The following TDRD9 variants were observed in gnomAD, a reference collection of about 807,000 sequenced individuals.
TDRD9 encodes the protein ATP-dependent RNA helicase TDRD9.
In TDRD9, 124 loss-of-function variants were observed where a neutral mutation model predicts 172.6. The observed-to-expected ratio is 0.72, with a 90% CI of 0.62 to 0.83. The LOEUF (loss-of-function observed/expected upper bound fraction) is 0.83, where lower values mean the gene tolerates loss of function less well. Among genes scored for constraint, TDRD9 ranks in the 40% least tolerant of loss-of-function variants. The pLI is 0.00. For missense variants in TDRD9, 1,479 were observed against 1,714.1 expected, an observed-to-expected ratio of 0.86 and a Z score of 2.42; for synonymous variants, 619 against 617.1, an observed-to-expected ratio of 1.00 and a Z score of -0.05.
intron 5 of TDRD9, among the ~76,000 whole-genome samples, chr14:103,967,557 AT>A (rs2032806552): frequency 6.6e-6 from 1 of 152,036 alleles, no homozygotes; most frequent in Non-Finnish European, 1.5e-5. Flanking sequence ...GGATAAACCC[AT>A]TTGGGCAACT....
At chr14:104,005,161 T>C in intron 14 of TDRD9, 113 bp from the exon 15 acceptor site, 1 of 1,080,470 alleles carries the variant, frequency 9.3e-7, no homozygotes, top group Non-Finnish European at 1.3e-6. Flanking sequence ...CATTTTTCTT[T>C]CTTCTCTCCT....
chr14:103,983,697 C>T (rs1276550797), intron 7 of TDRD9, among the ~76,000 whole-genome samples: 5 of 152,126 alleles, frequency 3.3e-5, no homozygotes, highest in Non-Finnish European at 7.4e-5. Context: ...CAGTCACACC[C>T]ATAGTAAATT....
intron 7 of TDRD9, among the ~76,000 whole-genome samples, chr14:103,981,958 TTG>T (rs2033487700): frequency 1.3e-5 from 2 of 152,250 alleles, no homozygotes; most frequent in South Asian, 4.1e-4. Context: ...AAAATTTCAG[TTG>T]TGTTACTGTC....
At position 104,038,003 on chromosome 14, in the gene TDRD9, G is replaced by A. The variant is rs11848275; in HGVS notation, c.3717-2193G>A. 6.9e-3 allele frequency among the ~76,000 whole-genome samples: 1,044 copies of A among 152,322 alleles called. 14 individuals carry two copies. Among genetic ancestry groups the A allele is most frequent in the African/African-American group, 0.024 (987 of 41,556 alleles). On this transcript the variant is annotated intron_variant, in intron 32 of 35. Coordinates refer to ENST00000409874, the MANE Select transcript of TDRD9 (RefSeq NM_153046.3). ...TGGTAGCAGAGCCTGGCACCTCCAGGATGGGAGCAGACATCTGAGAACACG... is the reference window on the plus strand; with the variant it reads ...TGGTAGCAGAGCCTGGCACCTCCAGAATGGGAGCAGACATCTGAGAACACG...
chr14:103,970,303 G>A (rs1050467633), intron 5 of TDRD9, among the ~76,000 whole-genome samples: 2 of 152,154 alleles, frequency 1.3e-5, no homozygotes, highest in African/African-American at 2.4e-5. Context: ...TTACTCTGCC[G>A]TCTCTCAGGG....
chr14:104,045,354 G>A (rs1296455232), intron 34 of TDRD9, among the ~76,000 whole-genome samples: 1 of 148,036 alleles, frequency 6.8e-6, no homozygotes, highest in East Asian at 2.0e-4. Context: ...ATGATGTAGA[G>A]CAACTTTTTA....
intron 7 of TDRD9, among the ~76,000 whole-genome samples, chr14:103,979,875 CT>C (rs5811124): frequency 8.7e-4 from 125 of 144,194 alleles, no homozygotes; most frequent in South Asian, 2.7e-3. Flanking sequence ...TTTTCTGACT[CT>C]TTTTTTTTTT....
intron 31 of TDRD9, 95 bp downstream of exon 31, chr14:104,034,164 G>A (rs1348232184): frequency 8.5e-6 from 5 of 584,858 alleles, no homozygotes; most frequent in African/African-American, 7.7e-5. Context: ...TGGTGAACAA[G>A]TCTACACTAT....
At chr14:103,967,136 G>A (rs1025786281) in intron 5 of TDRD9, among the ~76,000 whole-genome samples, 1 of 151,904 alleles carries the variant, frequency 6.6e-6, no homozygotes, top group Non-Finnish European at 1.5e-5. Context: ...TATTTCTAGA[G>A]GAATTAGACA....
Position 104,006,809 on chromosome 14 carries a change from C to G in TDRD9, c.1971C>G (p.Ser657Arg), listed in dbSNP as rs147878834. 3 of 1,613,376 alleles carry G rather than the reference C, an allele frequency of 1.9e-6. No individual in the cohort carries two copies. The highest frequency in any genetic ancestry group is 2.5e-6 in the Non-Finnish European group (3 of 1,179,662). ...YRNKVNFSGS[S>R]KSDCIALVEA... Reference sequence around the variant, plus strand: ...ACAAAGTGAATTTCTCTGGCAGTAGCAAGAGTGACTGTATTGCACTTGTTG... The same window carrying G: ...ACAAAGTGAATTTCTCTGGCAGTAGGAAGAGTGACTGTATTGCACTTGTTG... Residue 657 changes from serine to arginine, a missense_variant, in exon 18 of 36, where the codon AGC becomes AGG. Around this residue, in one of 3 missense-constraint regions of TDRD9, gnomAD observed 1,413 missense variants for 1,649.1 expected, o/e 0.86. Transcript: ENST00000409874.
intron 14 of TDRD9, chr14:104,005,061 C>A (rs758140531): frequency 8.2e-5 from 32 of 388,266 alleles, no homozygotes; most frequent in Non-Finnish European, 1.5e-4. Flanking sequence ...TCTTCCTTCT[C>A]TCTCCCCATC....
chr14:103,971,053 G>A (rs111954515), intron 6 of TDRD9, among the ~76,000 whole-genome samples: 3,519 of 150,400 alleles, frequency 0.023, 79 homozygotes, highest in East Asian at 0.072. Context: ...GCGTGATCTC[G>A]GCTCACTGCA....
chr14:104,043,073 T>G (rs1271010949), intron 34 of TDRD9, among the ~76,000 whole-genome samples: 2 of 152,056 alleles, frequency 1.3e-5, no homozygotes, highest in African/African-American at 4.8e-5. Flanking sequence ...TTGCTCAAGC[T>G]GAGTGCAGTG....
intron 20 of TDRD9, among the ~76,000 whole-genome samples, chr14:104,012,090 T>C (rs1566782256): frequency 6.6e-6 from 1 of 152,226 alleles, no homozygotes; most frequent in Admixed American, 6.5e-5. Context: ...TGGGTTTTTA[T>C]TGAGCACTGG....
intron 5 of TDRD9, among the ~76,000 whole-genome samples, chr14:103,970,107 C>A (rs1212873473): frequency 6.6e-6 from 1 of 152,190 alleles, no homozygotes; most frequent in Non-Finnish European, 1.5e-5. Flanking sequence ...GGCACATCTT[C>A]TTCCCTGTGC....
At chr14:104,026,258 G>T in intron 27 of TDRD9, 122 bp downstream of exon 27, 1 of 670,490 alleles carries the variant, frequency 1.5e-6, no homozygotes. Flanking sequence ...CCCAGGACAG[G>T]GAGGGACTTG....
chr14:104,022,100 G>T (rs1315081887), intron 23 of TDRD9, 57 bp from the exon 24 acceptor site: 17 of 1,368,032 alleles, frequency 1.2e-5, no homozygotes, highest in Admixed American at 2.3e-5. Context: ...AAATGAATAT[G>T]CAGTTTTTAA....
intron 32 of TDRD9, among the ~76,000 whole-genome samples, chr14:104,036,183 A>G (rs763938667): frequency 2.3e-4 from 35 of 152,142 alleles, no homozygotes; most frequent in Non-Finnish European, 3.7e-4. Flanking sequence ...CAGGTTTTTC[A>G]TATTATGATA....
chr14:103,956,111 A>AATATATATAT (rs1173008862), intron 2 of TDRD9, among the ~76,000 whole-genome samples: 14 of 18,358 alleles, frequency 7.6e-4, no homozygotes, highest in African/African-American at 3.3e-3. Flanking sequence ...AAAAAAAAAA[A>AATATATATAT]ATATATATAT....
Sources: gnomAD v4.1 joint callset for allele counts (sites outside exome capture counted in the v4.1 genomes callset) on GRCh38, gnomAD v4.1.1 for gene constraint, gnomAD v4.1.1 regional missense constraint, MANE v1.5 for transcripts, NCBI Gene and HGNC (gene_info 2026-07-23, HGNC 2026-07-21) for gene names.